The following FURIN variants were observed in gnomAD, a reference collection of about 807,000 sequenced individuals.
FURIN encodes the protein FES upstream region.
Under a neutral mutation model 89.2 loss-of-function variants are expected in FURIN, and 18 were observed. The ratio of observed to expected loss-of-function variants is 0.20; its 90% CI spans 0.14 to 0.30. The LOEUF is 0.30. Among genes scored for constraint, FURIN ranks in the 10% least tolerant of loss-of-function variants. FURIN has a pLI of 1.00. For missense variants in FURIN, 879 were observed against 1,100.5 expected (o/e 0.80, Z 2.85); for synonymous variants, 508 against 466.4 (o/e 1.09, Z -1.15).
At chr15:90,877,257 C>A in intron 6 of FURIN, 46 bp downstream of exon 6, 1 of 1,448,210 alleles carries the variant, frequency 6.9e-7, no homozygotes, top group Non-Finnish European at 9.5e-7. Context: ...CTCCTTTCTT[C>A]CACTAAGGAA....
In FURIN at chr15:90,875,855, C is replaced by G; in HGVS notation, c.115C>G (p.Pro39Ala). The G allele has an allele frequency of 6.3e-7, 1 of 1,583,626 alleles. No homozygotes were observed. The highest frequency in any genetic ancestry group is 8.6e-7 in the Non-Finnish European group (1 of 1,165,572). Reference protein sequence around the residue: ...VFTNTWAVRIPGGPAVANSVA... With the variant: ...VFTNTWAVRIAGGPAVANSVA... ...CACCAACACGTGGGCTGTGCGCATC[C>G]CTGGAGGCCCAGCGGTGGCCAACAG... is the stretch of plus-strand genomic sequence containing the variant. Residue 39 changes from proline (P) to alanine (A), a missense_variant, in exon 2 of 16, where the codon CCT (proline) becomes GCT (alanine). Physicochemically the swap from Pro to Ala is conservative, Grantham distance 27 (BLOSUM62 -1). Coordinates refer to ENST00000268171, the MANE Select transcript of FURIN (RefSeq NM_002569.4).
At chr15:90,870,242 T>G (rs1253681002) in intron 1 of FURIN, among the ~76,000 whole-genome samples, 1 of 152,178 alleles carries the variant, frequency 6.6e-6, no homozygotes, top group African/African-American at 2.4e-5. Flanking sequence ...GCCCCAGGGA[T>G]TTGAACCGGT....
rs1193808603 is a variant in FURIN, at chr15:90,876,215, C to T, written c.178-40C>T. 1.5e-6 allele frequency: 2 copies of T among 1,372,596 alleles called. No individual in the cohort carries two copies. The highest frequency in any genetic ancestry group is 2.3e-5 in the East Asian group (1 of 43,740). 85.0% of individuals were successfully genotyped at this position (1,372,596 alleles called of 1,614,324 possible). A position where few individuals can be genotyped will look rare whatever the true frequency, so the allele number is the denominator to read the frequency against. ...CCGTCCCCCGCCTCCCGGGGACTGA[C>T]AGATGGAAAGCCCAGCTCAGTCTCC... On this transcript the variant is annotated intron_variant, in intron 2 of 15. Transcript: ENST00000268171. This position sits in a 1 kb window ranked among gnomAD's most constrained non-coding sequence, Gnocchi z 5.0.
chr15:90,880,381 T>TG, intron 13 of FURIN, 108 bp downstream of exon 13: 1 of 902,906 alleles, frequency 1.1e-6, no homozygotes, highest in Non-Finnish European at 1.6e-6. Context: ...TGCTACTCAG[T>TG]GGGGCACTCT....
In FURIN at chr15:90,882,077, A is replaced by G; in HGVS notation, c.*199A>G. 5.2e-6 allele frequency: 3 copies of G among 573,214 alleles called. No individual in the cohort carries two copies. The highest frequency in any genetic ancestry group is 9.3e-6 in the Non-Finnish European group (3 of 322,280). The allele number at this position is 573,214 out of a possible 1,614,324, so 35.5% of individuals were successfully genotyped here. A position where few individuals can be genotyped will look rare whatever the true frequency, so the allele number is the denominator to read the frequency against. The stretch of plus-strand genomic sequence containing the variant: ...CCAGCTGGGGCGTGGGGAGGGCCGT[A>G]CCCCACCCTCAGCACCCCTTCCATG... On this transcript the variant is annotated 3_prime_UTR_variant, in exon 16 of 16. Coordinates refer to ENST00000268171, the MANE Select transcript of FURIN (RefSeq NM_002569.4).
At chr15:90,875,298 G>A (rs536931324) in intron 1 of FURIN, among the ~76,000 whole-genome samples, 1 of 152,274 alleles carries the variant, frequency 6.6e-6, no homozygotes, top group Non-Finnish European at 1.5e-5. Context: ...GCCTCCCAAA[G>A]TGCTGGATGA....
chr15:90,877,829 C>T (rs529857796), intron 7 of FURIN, among the ~76,000 whole-genome samples: 6 of 152,308 alleles, frequency 3.9e-5, no homozygotes, highest in Non-Finnish European at 7.3e-5. Flanking sequence ...GAAATCCTCA[C>T]GACCCACTGT....
intron 9 of FURIN, 92 bp downstream of exon 9, chr15:90,879,068 C>G: frequency 1.2e-6 from 1 of 806,252 alleles, no homozygotes; most frequent in South Asian, 1.7e-5. Context: ...GCCTCCACCC[C>G]CATGTGGCTG....
Position 90,876,016 on chromosome 15 carries a change from G to A in FURIN, c.177+99G>A, listed in dbSNP as rs557045160. The A allele has an allele frequency of 4.6e-6, 5 of 1,090,244 alleles. No individual in the cohort carries two copies. In the South Asian group the frequency reaches 6.3e-5, roughly 14 times the overall value. 67.5% of individuals were successfully genotyped at this position (1,090,244 alleles called of 1,614,324 possible). ...TGGCCTTGTTTGCTCAGGGGCATCT[G>A]GGTAGCCGGCATGTTCTGGGTGGCC... On this transcript the variant is annotated intron_variant, in intron 2 of 15. Coordinates refer to ENST00000268171, the MANE Select transcript of FURIN (RefSeq NM_002569.4). This position sits in a 1 kb window ranked among gnomAD's most constrained non-coding sequence, Gnocchi z 5.0.
At chr15:90,877,474 G>C in intron 6 of FURIN, 53 bp from the exon 7 acceptor site, 2 of 1,409,066 alleles carry the variant, frequency 1.4e-6, no homozygotes, top group Non-Finnish European at 1.9e-6. Context: ...CACATCTGCC[G>C]GGCCCTGTTC....
Position 90,881,962 on chromosome 15 carries a change from G to C in FURIN, c.*84G>C. On this transcript the variant is annotated 3_prime_UTR_variant, in exon 16 of 16. Coordinates refer to ENST00000268171, the MANE Select transcript of FURIN (RefSeq NM_002569.4). The surrounding 1 kb of genome is among the most constrained non-coding windows in gnomAD (Gnocchi z 4.3). ...AAAGTATTTTTTTATCTTGGGACTG[G>C]GTTTGGACCCCAGCTGGGAGGCAAG... 2.0e-6 allele frequency: 2 copies of C among 1,013,478 alleles called. No homozygotes were observed. Among genetic ancestry groups the C allele is most frequent in the Non-Finnish European group, 2.9e-6 (2 of 682,642 alleles). The allele number at this position is 1,013,478 out of a possible 1,614,324, so 62.8% of individuals were successfully genotyped here.
chr15:90,870,820 T>A (rs979858629), intron 1 of FURIN, among the ~76,000 whole-genome samples: 1 of 152,166 alleles, frequency 6.6e-6, no homozygotes, highest in Non-Finnish European at 1.5e-5. Flanking sequence ...TTAAACGTTG[T>A]GCGCCTCAGT....
At chr15:90,879,576 C>T (rs758013953) in intron 10 of FURIN, 32 bp downstream of exon 10, 1 of 1,566,618 alleles carries the variant, frequency 6.4e-7, no homozygotes, top group Non-Finnish European at 8.8e-7. Context: ...GCAACCCTGT[C>T]CCTACCAGCA....
intron 6 of FURIN, 143 bp downstream of exon 6, chr15:90,877,354 G>A: frequency 1.1e-6 from 1 of 932,308 alleles, no homozygotes; most frequent in Non-Finnish European, 1.6e-6. Context: ...CTGAGGGAGG[G>A]CTCGGTCAGA....
intron 8 of FURIN, 42 bp downstream of exon 8, chr15:90,878,346 G>A: frequency 2.7e-6 from 4 of 1,479,464 alleles, no homozygotes; most frequent in Non-Finnish European, 2.7e-6. Context: ...CAGGTTGGGT[G>A]CTGTCTTCCG....
At chr15:90,871,892 G>T (rs982667837) in intron 1 of FURIN, among the ~76,000 whole-genome samples, 3 of 151,256 alleles carry the variant, frequency 2.0e-5, no homozygotes, top group African/African-American at 7.3e-5. Context: ...ACCTGAGCGC[G>T]CCGGGCCCGT....
intron 1 of FURIN, chr15:90,871,537 GGCGGCCGAGGGGCGCCCGAGCCGCC>G: frequency 0.013 from 1 of 78 alleles, no homozygotes; most frequent in Non-Finnish European, 0.025. Flanking sequence ...GGGCGGCATG[GGCGGCCGAGGGGCGCCCGAGCCGCC>G]GCGGCGGTCG....
Position 90,877,058 on chromosome 15 carries a change from G to A in FURIN, c.501+34G>A, listed in dbSNP as rs371973924. On this transcript the variant is annotated intron_variant, in intron 5 of 15. Coordinates refer to ENST00000268171, the MANE Select transcript of FURIN (RefSeq NM_002569.4). ...GTCGGGGAGGGAGGCCGTGATCCCT[G>A]CTGAGGTGTGTCTAGAGGCTGTCTT... is the stretch of plus-strand genomic sequence containing the variant. 1,373 of 1,613,596 alleles carry A rather than the reference G, an allele frequency of 8.5e-4. 22 individuals carry two copies. In the South Asian group the frequency reaches 0.014, roughly 16 times the overall value.
At chr15:90,877,232 G>A (rs2031682884) in intron 6 of FURIN, 21 bp downstream of exon 6, 9 of 1,563,828 alleles carry the variant, frequency 5.8e-6, no homozygotes, top group Non-Finnish European at 7.8e-6. Flanking sequence ...GCAGGCCCCG[G>A]TCTCTGCCTC....
Sources: allele counts gnomAD v4.1 joint callset (sites outside exome capture counted in the v4.1 genomes callset), GRCh38; gene constraint gnomAD v4.1.1; non-coding constraint Gnocchi (gnomAD v3.1); transcripts MANE v1.5; gene names NCBI Gene and HGNC (gene_info 2026-07-23, HGNC 2026-07-21).